TRIP11: variants seen among roughly 807,000 people sequenced by gnomAD.
TRIP11 encodes the protein thyroid hormone receptor interactor 11, also known as thyroid receptor-interacting protein 11.
TRIP11 carries 148 observed loss-of-function variants against 223.1 expected under a neutral mutation model. That is an observed-to-expected ratio of 0.66 (90% CI 0.58 to 0.76). TRIP11 has a LOEUF of 0.76. TRIP11 is among the 30% of genes least tolerant of loss of function. TRIP11 has a pLI of 0.00. For missense variants in TRIP11, 2,043 were observed against 2,222.0 expected, an observed-to-expected ratio of 0.92 and a Z score of 1.62; for synonymous variants, 762 against 772.6, an observed-to-expected ratio of 0.99 and a Z score of 0.23.
rs1052066784 is a variant in TRIP11, at chr14:91,982,877, C to T, written c.5260+5407G>A. Among the ~76,000 whole-genome samples, 6 of 152,278 alleles carry T rather than the reference C, an allele frequency of 3.9e-5. No individual in the cohort carries two copies. The South Asian group carries it at 6.2e-4, about 16-fold the overall frequency. ...ATACTAAGAGATTCTTATTTCCACA[C>T]GGCAACCCACTTCTACCTCCACCTT... On this transcript the variant is annotated intron_variant, in intron 16 of 20. Coordinates refer to ENST00000267622, the MANE Select transcript of TRIP11 (RefSeq NM_004239.4).
At chr14:92,036,352 G>A (rs532518776) in intron 1 of TRIP11, among the ~76,000 whole-genome samples, 7 of 152,006 alleles carry the variant, frequency 4.6e-5, no homozygotes, top group South Asian at 2.1e-4. Context: ...TTTACGATTC[G>A]GTAGACACAA....
At chr14:91,979,272 AAGAGAG>A (rs1204038145) in intron 16 of TRIP11, among the ~76,000 whole-genome samples, 1 of 150,090 alleles carries the variant, frequency 6.7e-6, no homozygotes, top group Non-Finnish European at 1.5e-5. Flanking sequence ...AAAAAAAAAA[AAGAGAG>A]AGAGAGAGAG....
chr14:91,966,440 G>A lies in TRIP11; in HGVS notation c.*3233C>T, dbSNP rs1017262803. ...AAACTTCATTATCTTTAAATATCAG[G>A]TCCAAATGCTTTTAAGTTTGATGGA... On this transcript the variant is annotated 3_prime_UTR_variant, in exon 21 of 21. Transcript: ENST00000267622. 1.0e-5 allele frequency: 2 copies of A among 190,704 alleles called. No individual in the cohort carries two copies. Among genetic ancestry groups the A allele is most frequent in the African/African-American group, 2.3e-5 (1 of 42,892 alleles). 11.8% of individuals were successfully genotyped at this position (190,704 alleles called of 1,614,324 possible).
rs550124730 is a variant in TRIP11 at position 91,969,278 on chromosome 14, T to A, written c.*395A>T. ...AGAGAAGCCACTACTAGTATTTTTT[T>A]ATTCTTCGTTTAAAAAAAAAAAACA... On this transcript the variant is annotated 3_prime_UTR_variant, in exon 21 of 21. Coordinates refer to ENST00000267622, the MANE Select transcript of TRIP11 (RefSeq NM_004239.4). 9.6e-6 allele frequency: 3 copies of A among 311,864 alleles called. No homozygotes were observed. The highest frequency in any genetic ancestry group is 1.0e-4 in the East Asian group (2 of 19,088). The allele number at this position is 311,864 out of a possible 1,614,324, so 19.3% of individuals were successfully genotyped here.
At chr14:91,979,559 C>A (rs1367490050) in intron 16 of TRIP11, among the ~76,000 whole-genome samples, 1 of 152,140 alleles carries the variant, frequency 6.6e-6, no homozygotes, top group Non-Finnish European at 1.5e-5. Flanking sequence ...CCTAAACTCA[C>A]TATCAGAACA....
chr14:92,011,034 C>T lies in TRIP11; in HGVS notation c.1266G>A (p.Met422Ile), dbSNP rs777724033. Reference protein sequence around the residue: ...SLAEDNLKLKMRIEVLEKEKS... With the variant: ...SLAEDNLKLKIRIEVLEKEKS... ...TCTCTTTTTCTAAAACTTCGATACG[C>T]ATTTTAAGTTTCAGATTGTCTTCAG... Residue 422 changes from methionine to isoleucine, a missense_variant, in exon 9 of 21, where the codon ATG (methionine) becomes ATA (isoleucine). By Grantham distance (10) the Met-to-Ile change is conservative. Coordinates refer to ENST00000267622, the MANE Select transcript of TRIP11 (RefSeq NM_004239.4). The T allele has an allele frequency of 6.8e-6, 11 of 1,613,876 alleles. No individual in the cohort carries two copies. In the African/African-American group the frequency reaches 1.3e-4, roughly 20 times the overall value.
rs146644620 is a variant in TRIP11, at chr14:91,994,728, T to C, written c.5056+624A>G. On this transcript the variant is annotated intron_variant, in intron 14 of 20. Coordinates refer to ENST00000267622, the MANE Select transcript of TRIP11 (RefSeq NM_004239.4). ...ATTACTGAATGCATGAATAAACAAA[T>C]GGATGGATGAATGATCTAAAGTGAA... Among the ~76,000 whole-genome samples, 831 of 152,250 alleles carry C rather than the reference T, an allele frequency of 5.5e-3. 8 individuals are homozygous for C. The highest frequency in any genetic ancestry group is 0.019 in the African/African-American group (794 of 41,530).
At chr14:92,022,053 A>G (rs1405139084) in intron 3 of TRIP11, among the ~76,000 whole-genome samples, 1 of 152,256 alleles carries the variant, frequency 6.6e-6, no homozygotes, top group East Asian at 1.9e-4. Flanking sequence ...AATAGTAGAA[A>G]TATCAGAATT....
Position 91,969,623 on chromosome 14 carries a change from G to A in TRIP11, c.*50C>T, listed in dbSNP as rs2056376364. 1 of 1,564,924 alleles carries A rather than the reference G, an allele frequency of 6.4e-7. No homozygotes were observed. The highest frequency in any genetic ancestry group is 2.2e-5 in the East Asian group (1 of 44,630). ...CTTTGTGATAAAGTACATACATATA[G>A]TGTTCATGGTTTCTTTAAAGTGCTA... is the stretch of plus-strand genomic sequence containing the variant. On this transcript the variant is annotated 3_prime_UTR_variant, in exon 21 of 21. Transcript: ENST00000267622.
chr14:92,003,311 A>G, intron 11 of TRIP11, 108 bp downstream of exon 11: 2 of 1,431,864 alleles, frequency 1.4e-6, no homozygotes, highest in Non-Finnish European at 1.9e-6. Context: ...AAATATTTCT[A>G]AATGAACAAA....
chr14:92,025,878 C>CAA (rs372915026), intron 2 of TRIP11, among the ~76,000 whole-genome samples: 48 of 73,972 alleles, frequency 6.5e-4, no homozygotes, highest in South Asian at 4.6e-3. Context: ...GACTCCGTCT[C>CAA]AAAAAAAAAA....
intron 2 of TRIP11, chr14:92,030,919 G>C (rs2057257143): frequency 6.6e-6 from 1 of 151,960 alleles, no homozygotes; most frequent in Admixed American, 6.6e-5. Context: ...AAAATCATGA[G>C]CCATTAAAAT....
chr14:92,003,779 C>G lies in TRIP11; in HGVS notation c.4197G>C (p.Lys1399Asn), dbSNP rs754834463. 2 of 1,614,124 alleles carry G rather than the reference C, an allele frequency of 1.2e-6. No individual in the cohort carries two copies. The highest frequency in any genetic ancestry group is 2.2e-5 in the East Asian group (1 of 44,874). The stretch of plus-strand genomic sequence containing the variant: ...ACTTTTGCAAAACATCTTGTTTCTC[C>G]TTTAGCTGCTTGATTTCTGAATCGG... ...EQTDSEIKQL[K>N]EKQDVLQKLL... Residue 1399 changes from lysine to asparagine, a missense_variant, in exon 11 of 21, where the codon AAG (lysine) becomes AAC (asparagine). Lys to Asn is a moderately conservative substitution (Grantham distance 94). Coordinates refer to ENST00000267622, the MANE Select transcript of TRIP11 (RefSeq NM_004239.4).
intron 4 of TRIP11, among the ~76,000 whole-genome samples, chr14:92,020,159 G>A (rs1457905699): frequency 6.6e-6 from 1 of 152,026 alleles, no homozygotes; most frequent in Admixed American, 6.6e-5. Flanking sequence ...GGCTGAGGCA[G>A]GAGAATTGCT....
chr14:91,993,025 T>C (rs1341678792), intron 15 of TRIP11, among the ~76,000 whole-genome samples: 1 of 150,244 alleles, frequency 6.7e-6, no homozygotes, highest in African/African-American at 2.4e-5. Context: ...TCCTTATATA[T>C]AATTTTTGTC....
Position 92,011,028 on chromosome 14 carries a change from G to C in TRIP11, c.1272C>G (p.Ile424Met), listed in dbSNP as rs750544930. 3 of 1,613,724 alleles carry C rather than the reference G, an allele frequency of 1.9e-6. No homozygotes were observed. Among genetic ancestry groups the C allele is most frequent in the Middle Eastern group, 1.6e-4 (1 of 6,062 alleles). ...AEDNLKLKMR[I>M]EVLEKEKSLL... ...ATGACTTCTCTTTTTCTAAAACTTC[G>C]ATACGCATTTTAAGTTTCAGATTGT... is the stretch of plus-strand genomic sequence containing the variant. The change falls in exon 9 of 21, where the codon ATC (isoleucine) becomes ATG (methionine). Residue 424 changes from isoleucine (I) to methionine (M), a missense_variant. By Grantham distance (10) the Ile-to-Met change is conservative. Transcript: ENST00000267622.
rs1201570182 is a variant in TRIP11, at chr14:91,978,883, G to A, written c.5261-2694C>T. ...CACTAAAAAATTTAAAATTGCACGT[G>A]GCTCACAGTATATTCCTACTGGACA... On this transcript the variant is annotated intron_variant, in intron 16 of 20. Transcript: ENST00000267622. This position sits in a 1 kb window ranked among gnomAD's most constrained non-coding sequence, Gnocchi z 4.4. Among the ~76,000 whole-genome samples the A allele has an allele frequency of 6.6e-6, 1 of 152,066 alleles. No homozygotes were observed. Among genetic ancestry groups the A allele is most frequent in the Non-Finnish European group, 1.5e-5 (1 of 68,012 alleles).
intron 16 of TRIP11, among the ~76,000 whole-genome samples, chr14:91,979,179 C>T (rs1025622644): frequency 6.6e-6 from 1 of 151,084 alleles, no homozygotes; most frequent in African/African-American, 2.4e-5. Context: ...ATCGCCTGAG[C>T]CCAGGAGGCA....
chr14:92,033,562 G>A (rs1161225421), intron 1 of TRIP11, among the ~76,000 whole-genome samples: 2 of 152,048 alleles, frequency 1.3e-5, no homozygotes, highest in Non-Finnish European at 2.9e-5. Flanking sequence ...ATTTCTCTGT[G>A]GGCTAATGCT....
Sources: gnomAD v4.1 joint callset for allele counts (sites outside exome capture counted in the v4.1 genomes callset) on GRCh38, gnomAD v4.1.1 for gene constraint, Gnocchi (gnomAD v3.1) non-coding constraint, MANE v1.5 for transcripts, NCBI Gene and HGNC (gene_info 2026-07-23, HGNC 2026-07-21) for gene names.